ABCA12: variants seen among roughly 807,000 people sequenced by gnomAD.
ABCA12 encodes ATP binding cassette subfamily A member 12.
In ABCA12, 156 loss-of-function variants were observed where a neutral mutation model predicts 293.5. The ratio of observed to expected loss-of-function variants is 0.53; its 90% CI spans 0.47 to 0.61. The LOEUF is 0.61. ABCA12 is among the 20% of genes least tolerant of loss of function. The pLI, the probability that ABCA12 is intolerant of heterozygous loss-of-function variation, is 0.00. For synonymous variants in ABCA12, 1,063 were observed against 1,108.0 expected, an observed-to-expected ratio of 0.96 and a Z score of 0.81; for missense variants, 2,797 against 3,090.2, an observed-to-expected ratio of 0.91 and a Z score of 2.25.
intron 52 of ABCA12, 119 bp downstream of exon 52, chr2:214,933,959 G>A: frequency 6.4e-6 from 7 of 1,096,136 alleles, no homozygotes; most frequent in Non-Finnish European, 8.0e-6. Context: ...TTTTTCAGGT[G>A]CAAGACTAGA....
At chr2:215,054,302 A>T (rs1372274238) in intron 4 of ABCA12, among the ~76,000 whole-genome samples, 2 of 152,114 alleles carry the variant, frequency 1.3e-5, no homozygotes, top group South Asian at 4.1e-4. Context: ...TAAAGAGTCT[A>T]GAGTCAGTTC....
At chr2:215,029,892 T>C (rs1574996570) in intron 9 of ABCA12, among the ~76,000 whole-genome samples, 1 of 152,086 alleles carries the variant, frequency 6.6e-6, no homozygotes, top group South Asian at 2.1e-4. Flanking sequence ...ACAAAAATAA[T>C]TAGGAGAAAG....
At chr2:215,026,759 A>T in intron 10 of ABCA12, 61 bp downstream of exon 10, 1 of 1,397,556 alleles carries the variant, frequency 7.2e-7, no homozygotes, top group Non-Finnish European at 1.0e-6. Context: ...TCAAAAACTC[A>T]CTACTTTAGA....
At chr2:214,940,070 T>A (rs568138128) in intron 50 of ABCA12, among the ~76,000 whole-genome samples, 1 of 152,348 alleles carries the variant, frequency 6.6e-6, no homozygotes, top group Non-Finnish European at 1.5e-5. Flanking sequence ...TTCCAGATTT[T>A]GTCCATTTGG....
At chr2:214,957,801 G>A (rs779565072) in intron 41 of ABCA12, among the ~76,000 whole-genome samples, 1 of 152,184 alleles carries the variant, frequency 6.6e-6, no homozygotes, top group Non-Finnish European at 1.5e-5. Context: ...TCTCTAATGT[G>A]TCATTAGCAG....
At chr2:215,006,409 T>C (rs894797679) in intron 19 of ABCA12, among the ~76,000 whole-genome samples, 24 of 152,172 alleles carry the variant, frequency 1.6e-4, no homozygotes, top group Admixed American at 1.6e-3. Flanking sequence ...TAGGAAATTG[T>C]GGGGAAGACA....
At chr2:215,106,748 CAAAAA>C (rs34394993) in intron 2 of ABCA12, among the ~76,000 whole-genome samples, 2 of 101,582 alleles carry the variant, frequency 2.0e-5, no homozygotes, top group Admixed American at 1.1e-4. Context: ...GCTTTGGAGG[CAAAAA>C]AAAAAAAAAA....
chr2:215,091,379 T>A (rs1189004062), intron 2 of ABCA12, among the ~76,000 whole-genome samples: 1 of 152,160 alleles, frequency 6.6e-6, no homozygotes, highest in Non-Finnish European at 1.5e-5. Context: ...GCCCAATAAT[T>A]TCCTCTTAGA....
In ABCA12 at chr2:215,110,250, C is replaced by T. The variant is rs529890754; in HGVS notation, c.163+1347G>A. ...TGTTGGCTGGGCGCGGTGGCTCACG[C>T]CTGTAATCCCAGCACTTTGGGAGGC... On this transcript the variant is annotated intron_variant, in intron 2 of 52. Transcript: ENST00000272895. Among the ~76,000 whole-genome samples the T allele has an allele frequency of 3.1e-4, 47 of 152,310 alleles. 1 individual carries two copies. In the South Asian group the frequency reaches 9.3e-3, roughly 30 times the overall value.
intron 12 of ABCA12, 42 bp downstream of exon 12, chr2:215,019,498 G>T (rs781530820): frequency 1.2e-6 from 2 of 1,613,894 alleles, no homozygotes; most frequent in Non-Finnish European, 1.7e-6. Context: ...TCAATATTTT[G>T]AAAGAGATTT....
chr2:214,983,253 A>G (rs75624621), intron 29 of ABCA12, among the ~76,000 whole-genome samples: 3,492 of 152,228 alleles, frequency 0.023, 127 homozygotes, highest in African/African-American at 0.079. Flanking sequence ...AAGCCACTGG[A>G]CGATTTAAAT....
chr2:215,060,333 T>C (rs1701504408), intron 3 of ABCA12, among the ~76,000 whole-genome samples: 3 of 152,102 alleles, frequency 2.0e-5, no homozygotes, highest in African/African-American at 4.8e-5. Flanking sequence ...GAATTCATTA[T>C]ATTCTTATTG....
At chr2:214,981,026 A>G (rs1272988581) in intron 30 of ABCA12, among the ~76,000 whole-genome samples, 1 of 151,074 alleles carries the variant, frequency 6.6e-6, no homozygotes, top group African/African-American at 2.4e-5. Context: ...TGGAGGGTGT[A>G]GTGAGCCAAG....
intron 1 of ABCA12, among the ~76,000 whole-genome samples, chr2:215,126,767 T>G (rs1414898537): frequency 6.6e-6 from 1 of 152,148 alleles, no homozygotes; most frequent in Non-Finnish European, 1.5e-5. Flanking sequence ...TCATTTATCT[T>G]TTGTAATTTT....
At chr2:215,004,322 C>A in intron 19 of ABCA12, 23 bp from the exon 20 acceptor site, 2 of 1,560,620 alleles carry the variant, frequency 1.3e-6, no homozygotes, top group South Asian at 2.2e-5. Flanking sequence ...AATTAAAAAT[C>A]AGTTTCAATA....
intron 37 of ABCA12, 25 bp from the exon 38 acceptor site, chr2:214,968,832 C>T: frequency 6.2e-7 from 1 of 1,602,660 alleles, no homozygotes; most frequent in Non-Finnish European, 8.5e-7. Context: ...AAAAATATAT[C>T]TTTGGTTTAG....
At chr2:215,074,106 T>C (rs987004774) in intron 2 of ABCA12, among the ~76,000 whole-genome samples, 1 of 152,176 alleles carries the variant, frequency 6.6e-6, no homozygotes, top group Non-Finnish European at 1.5e-5. Context: ...CATTGGATAA[T>C]AACCTGGGAA....
At chr2:215,080,208 G>A (rs1701910737) in intron 2 of ABCA12, among the ~76,000 whole-genome samples, 1 of 152,098 alleles carries the variant, frequency 6.6e-6, no homozygotes, top group South Asian at 2.1e-4. Flanking sequence ...TGAATTCCCT[G>A]AACTAAAGGC....
chr2:215,108,486 T>C (rs757493926), intron 2 of ABCA12, among the ~76,000 whole-genome samples: 1 of 152,188 alleles, frequency 6.6e-6, no homozygotes, highest in Non-Finnish European at 1.5e-5. Context: ...TGGTTTCAAA[T>C]CCTGACACCA....
Sources: gnomAD v4.1 joint callset for allele counts (sites outside exome capture counted in the v4.1 genomes callset) on GRCh38, gnomAD v4.1.1 for gene constraint, MANE v1.5 for transcripts, NCBI Gene and HGNC (gene_info 2026-07-23, HGNC 2026-07-21) for gene names.